Variants in SHTN1 observed in about 807,000 individuals in gnomAD.
The protein encoded by SHTN1 is shootin 1.
In SHTN1, 42 loss-of-function variants were observed where a neutral mutation model predicts 83.1. That is an observed-to-expected ratio of 0.51 (90% confidence interval 0.39 to 0.65). The LOEUF is 0.65. Among genes scored for constraint, SHTN1 ranks in the 30% least tolerant of loss-of-function variants. The probability of loss-of-function intolerance (pLI) is 0.00; values close to 1 mark genes in which losing one functional copy is unlikely to be tolerated. For synonymous variants in SHTN1, 224 were observed against 247.7 expected, an observed-to-expected ratio of 0.90 and a Z score of 0.90; for missense variants, 622 against 737.8, an observed-to-expected ratio of 0.84 and a Z score of 1.82.
intron 9 of SHTN1, among the ~76,000 whole-genome samples, chr10:116,932,081 G>T (rs1229153932): frequency 1.3e-5 from 2 of 152,208 alleles, no homozygotes; most frequent in Non-Finnish European, 2.9e-5. Flanking sequence ...TCTGGATTTT[G>T]ATCTTTTCCC....
chr10:117,004,326 T>C (rs1489493260), intron 1 of SHTN1, among the ~76,000 whole-genome samples: 1 of 152,116 alleles, frequency 6.6e-6, no homozygotes, highest in Non-Finnish European at 1.5e-5. Context: ...AAAAAAATGA[T>C]TGACTGAAGC....
intron 12 of SHTN1, among the ~76,000 whole-genome samples, chr10:116,918,041 C>CAG (rs1848436872): frequency 1.3e-5 from 2 of 152,162 alleles, no homozygotes; most frequent in Non-Finnish European, 2.9e-5. Flanking sequence ...GAATCACCTA[C>CAG]AGAGAGCTCA....
At chr10:116,929,250 A>G (rs538514365) in intron 10 of SHTN1, among the ~76,000 whole-genome samples, 1 of 152,358 alleles carries the variant, frequency 6.6e-6, no homozygotes, top group African/African-American at 2.4e-5. Context: ...ATATGCCCGT[A>G]TAGTAATCTA....
intron 1 of SHTN1, among the ~76,000 whole-genome samples, chr10:117,085,080 A>T (rs1327497076): frequency 6.6e-6 from 1 of 152,112 alleles, no homozygotes; most frequent in South Asian, 2.1e-4. Flanking sequence ...TGTGAATTTT[A>T]ATAAACTTCA....
At chr10:117,054,252 C>G (rs1852794053) in intron 1 of SHTN1, among the ~76,000 whole-genome samples, 1 of 152,068 alleles carries the variant, frequency 6.6e-6, no homozygotes, top group South Asian at 2.1e-4. Flanking sequence ...AAATAGAGAT[C>G]ATAAGACTGA....
intron 16 of SHTN1, among the ~76,000 whole-genome samples, chr10:116,891,801 C>T (rs1030265312): frequency 6.6e-6 from 1 of 152,062 alleles, no homozygotes; most frequent in African/African-American, 2.4e-5. Flanking sequence ...TAAGGTGAAA[C>T]TTTCTATATT....
intron 1 of SHTN1, among the ~76,000 whole-genome samples, chr10:117,084,693 C>T (rs1363580256): frequency 7.9e-5 from 12 of 152,026 alleles, no homozygotes; most frequent in Non-Finnish European, 1.8e-4. Flanking sequence ...AGCGAGACTC[C>T]GTGAGGTAGG....
intron 2 of SHTN1, among the ~76,000 whole-genome samples, chr10:117,012,734 AG>A (rs1332078862): frequency 6.6e-6 from 1 of 152,224 alleles, no homozygotes; most frequent in Admixed American, 6.5e-5. Context: ...AATCAATAAA[AG>A]AATTGATAAA....
intron 1 of SHTN1, among the ~76,000 whole-genome samples, chr10:117,090,831 G>A (rs1416775840): frequency 6.9e-6 from 1 of 144,712 alleles, no homozygotes; most frequent in Admixed American, 6.9e-5. Context: ...AGGAGGGAGG[G>A]AGGGAGGGAA....
chr10:116,966,351 C>A (rs1342734777), intron 3 of SHTN1, among the ~76,000 whole-genome samples: 1 of 152,116 alleles, frequency 6.6e-6, no homozygotes, highest in Non-Finnish European at 1.5e-5. Flanking sequence ...AAAGAGTTGG[C>A]ACTCTGTTGT....
At chr10:117,027,292 A>C (rs7084815) in intron 2 of SHTN1, among the ~76,000 whole-genome samples, 1 of 151,806 alleles carries the variant, frequency 6.6e-6, no homozygotes, top group South Asian at 2.1e-4. Context: ...GTGAGTTCTC[A>C]TGAGATCTGG....
At chr10:116,888,398 A>G (rs1564859286) in intron 16 of SHTN1, among the ~76,000 whole-genome samples, 1 of 152,220 alleles carries the variant, frequency 6.6e-6, no homozygotes. Context: ...CAGAGGAATC[A>G]GACCTTAGGG....
At chr10:117,032,803 T>C (rs1267124348) in intron 2 of SHTN1, among the ~76,000 whole-genome samples, 2 of 152,080 alleles carry the variant, frequency 1.3e-5, no homozygotes, top group African/African-American at 4.8e-5. Context: ...AAAACAAGTC[T>C]TAAAACATTA....
At chr10:116,937,050 T>C (rs549733809) in intron 9 of SHTN1, among the ~76,000 whole-genome samples, 2 of 152,274 alleles carry the variant, frequency 1.3e-5, no homozygotes, top group African/African-American at 2.4e-5. Flanking sequence ...TTTAAGCCTA[T>C]GTGTCTTTAC....
chr10:117,061,814 C>G (rs1328294370), intron 1 of SHTN1, among the ~76,000 whole-genome samples: 1 of 152,108 alleles, frequency 6.6e-6, no homozygotes, highest in Non-Finnish European at 1.5e-5. Flanking sequence ...TAGGCTTCTG[C>G]GAAACCTAAC....
At chr10:117,098,224 T>TAA (rs34407973) in intron 1 of SHTN1, among the ~76,000 whole-genome samples, 95 of 113,422 alleles carry the variant, frequency 8.4e-4, no homozygotes, top group African/African-American at 3.2e-3. Flanking sequence ...CCGTCTCTAC[T>TAA]AAAAAAAAAA....
intron 16 of SHTN1, among the ~76,000 whole-genome samples, chr10:116,887,346 G>A (rs1380538466): frequency 2.6e-5 from 4 of 152,160 alleles, no homozygotes; most frequent in Admixed American, 1.3e-4. Context: ...TGAAACACCC[G>A]AAGGTTCAGG....
chr10:117,015,535 T>G (rs1266856710), intron 2 of SHTN1, among the ~76,000 whole-genome samples: 1 of 152,142 alleles, frequency 6.6e-6, no homozygotes, highest in African/African-American at 2.4e-5. Flanking sequence ...TTCTCCATGT[T>G]GGTCAGGCTG....
At chr10:116,934,201 C>T (rs1305060146) in intron 9 of SHTN1, among the ~76,000 whole-genome samples, 1 of 152,124 alleles carries the variant, frequency 6.6e-6, no homozygotes, top group Non-Finnish European at 1.5e-5. Flanking sequence ...GCTTTTGTTG[C>T]CATTGCTTTT....
Sources: gnomAD v4.1 joint callset for allele counts (sites outside exome capture counted in the v4.1 genomes callset) on GRCh38, gnomAD v4.1.1 for gene constraint, MANE v1.5 for transcripts, NCBI Gene and HGNC (gene_info 2026-07-23, HGNC 2026-07-21) for gene names.